The following PLOD2 variants were observed in gnomAD, a reference collection of about 807,000 sequenced individuals.
The protein encoded by PLOD2 is lysine hydroxylase 2.
Under a neutral mutation model 101.0 loss-of-function variants are expected in PLOD2, and 65 were observed. The ratio of observed to expected loss-of-function variants is 0.64; its 90% CI spans 0.53 to 0.79. The LOEUF is 0.79. Among genes scored for constraint, PLOD2 ranks in the 30% least tolerant of loss-of-function variants. PLOD2 has a pLI of 0.00. For missense variants in PLOD2, 909 were observed against 914.6 expected (o/e 0.99, Z 0.08); for synonymous variants, 314 against 302.9 (o/e 1.04, Z -0.38).
At chr3:146,097,879 A>G (rs1019638510) in intron 7 of PLOD2, among the ~76,000 whole-genome samples, 2 of 152,110 alleles carry the variant, frequency 1.3e-5, no homozygotes, top group African/African-American at 4.8e-5. Flanking sequence ...GCCATGAAAA[A>G]GAATGAGTTC....
At chr3:146,121,522 A>G (rs2030156283) in intron 2 of PLOD2, among the ~76,000 whole-genome samples, 1 of 152,140 alleles carries the variant, frequency 6.6e-6, no homozygotes, top group Admixed American at 6.6e-5. Flanking sequence ...TATTTCTCAC[A>G]TTACATCATT....
intron 7 of PLOD2, among the ~76,000 whole-genome samples, chr3:146,102,492 C>G (rs961428693): frequency 6.6e-6 from 1 of 152,028 alleles, no homozygotes; most frequent in Admixed American, 6.6e-5. Context: ...GTGGCTCACT[C>G]CCAAGTTAGT....
intron 1 of PLOD2, among the ~76,000 whole-genome samples, chr3:146,139,464 C>T (rs1328659482): frequency 6.6e-6 from 1 of 152,108 alleles, no homozygotes; most frequent in Non-Finnish European, 1.5e-5. Flanking sequence ...TGAAGGAACA[C>T]AAATCTCCAC....
intron 1 of PLOD2, among the ~76,000 whole-genome samples, chr3:146,152,522 A>G (rs1181519851): frequency 6.6e-6 from 1 of 152,208 alleles, no homozygotes; most frequent in Non-Finnish European, 1.5e-5. Flanking sequence ...AAATATACCT[A>G]GACCATCTAT....
At chr3:146,091,601 A>T (rs1270703419) in intron 8 of PLOD2, among the ~76,000 whole-genome samples, 199 bp downstream of exon 8, 1 of 151,990 alleles carries the variant, frequency 6.6e-6, no homozygotes, top group Admixed American at 6.6e-5. Flanking sequence ...TTCAATTATT[A>T]GCTGGTTTTT....
intron 15 of PLOD2, among the ~76,000 whole-genome samples, chr3:146,073,916 T>C (rs1369931406): frequency 6.6e-6 from 1 of 151,642 alleles, no homozygotes; most frequent in Non-Finnish European, 1.5e-5. Context: ...ACTCTAAATT[T>C]GATTTTTTAA....
chr3:146,082,397 G>A (rs1936585612), intron 11 of PLOD2, among the ~76,000 whole-genome samples: 1 of 152,120 alleles, frequency 6.6e-6, no homozygotes, highest in Admixed American at 6.5e-5. Flanking sequence ...ACTTAAGTAT[G>A]TTTCCAGTTT....
At chr3:146,085,093 A>G (rs1159497467) in intron 11 of PLOD2, 76 bp downstream of exon 11, 1 of 724,348 alleles carries the variant, frequency 1.4e-6, no homozygotes, top group African/African-American at 1.8e-5. Flanking sequence ...TAAATACACA[A>G]TTACTACAGT....
chr3:146,125,081 G>C (rs2030471985), intron 1 of PLOD2, among the ~76,000 whole-genome samples: 1 of 111,924 alleles, frequency 8.9e-6, no homozygotes, highest in Middle Eastern at 5.1e-3. Context: ...CAAAAGGGCT[G>C]GAACATTTTT....
chr3:146,127,713 A>G (rs1160529560), intron 1 of PLOD2, among the ~76,000 whole-genome samples: 1 of 152,112 alleles, frequency 6.6e-6, no homozygotes, highest in Non-Finnish European at 1.5e-5. Flanking sequence ...GGCTGAAGAG[A>G]TACTTCTCAA....
intron 1 of PLOD2, among the ~76,000 whole-genome samples, chr3:146,153,568 G>A (rs757824273): frequency 2.0e-5 from 3 of 152,144 alleles, no homozygotes; most frequent in Non-Finnish European, 4.4e-5. Flanking sequence ...CTGGAATAAA[G>A]TATAGCTTCT....
At chr3:146,145,151 A>T (rs984635174) in intron 1 of PLOD2, among the ~76,000 whole-genome samples, 3 of 152,160 alleles carry the variant, frequency 2.0e-5, no homozygotes, top group African/African-American at 7.2e-5. Context: ...AACTGACTAC[A>T]TCCTAGGCAT....
intron 4 of PLOD2, among the ~76,000 whole-genome samples, chr3:146,107,621 A>ATT (rs1559852494): frequency 7.4e-6 from 1 of 134,422 alleles, no homozygotes. Flanking sequence ...TTGCCATATA[A>ATT]ATTTTTTTTT....
chr3:146,117,463 TA>T (rs1464809031), intron 3 of PLOD2, among the ~76,000 whole-genome samples: 3 of 152,150 alleles, frequency 2.0e-5, no homozygotes, highest in Non-Finnish European at 4.4e-5. Context: ...ATAAACTTTT[TA>T]AAAAGGGTGT....
At chr3:146,113,316 A>C (rs1178597906) in intron 3 of PLOD2, among the ~76,000 whole-genome samples, 1 of 152,194 alleles carries the variant, frequency 6.6e-6, no homozygotes, top group Non-Finnish European at 1.5e-5. Flanking sequence ...TACTTTAGAA[A>C]AGTTATTTGA....
chr3:146,160,635 A>T (rs1275680573), intron 1 of PLOD2, among the ~76,000 whole-genome samples: 1 of 152,126 alleles, frequency 6.6e-6, no homozygotes, highest in African/African-American at 2.4e-5. Context: ...CTTGTTCTGC[A>T]GGGAAATTCG....
chr3:146,122,876 C>A (rs2030271683), intron 2 of PLOD2, among the ~76,000 whole-genome samples: 1 of 152,112 alleles, frequency 6.6e-6, no homozygotes, highest in African/African-American at 2.4e-5. Context: ...ACATTCTACT[C>A]TCTCTCCATT....
intron 4 of PLOD2, 22 bp from the exon 5 acceptor site, chr3:146,106,666 G>C (rs770254715): frequency 1.6e-6 from 2 of 1,213,694 alleles, no homozygotes; most frequent in Non-Finnish European, 2.5e-6. Context: ...CAGAGAGAAA[G>C]TAGATAATTT....
intron 1 of PLOD2, among the ~76,000 whole-genome samples, chr3:146,137,096 C>T (rs772402433): frequency 6.6e-6 from 1 of 152,096 alleles, no homozygotes; most frequent in Non-Finnish European, 1.5e-5. Flanking sequence ...ATGAGAAATA[C>T]TATTTATTTC....
Sources: gnomAD v4.1 joint callset for allele counts (sites outside exome capture counted in the v4.1 genomes callset) on GRCh38, gnomAD v4.1.1 for gene constraint, MANE v1.5 for transcripts, NCBI Gene and HGNC (gene_info 2026-07-23, HGNC 2026-07-21) for gene names.